The following PECR variants were observed in gnomAD, a reference collection of about 807,000 sequenced individuals.
PECR encodes the protein 2,4-dienoyl-CoA reductase-related protein.
PECR carries 30 observed loss-of-function variants against 35.3 expected under a neutral mutation model. The ratio of observed to expected loss-of-function variants is 0.85; its 90% CI spans 0.64 to 1.15. The LOEUF (loss-of-function observed/expected upper bound fraction) is 1.15, where lower values mean the gene tolerates loss of function less well. Ranked by LOEUF, PECR falls within the 50% of genes most tolerant of loss-of-function variation. PECR has a pLI of 0.00. For missense variants in PECR, 392 were observed against 370.8 expected, an observed-to-expected ratio of 1.06 and a Z score of -0.47; for synonymous variants, 148 against 138.9, an observed-to-expected ratio of 1.07 and a Z score of -0.46.
intron 7 of PECR, chr2:216,033,067 C>A (rs996821171): frequency 6.6e-6 from 1 of 152,124 alleles, no homozygotes; most frequent in Admixed American, 6.5e-5. Context: ...ACCTTTACAC[C>A]TTTTAGTTGG....
intron 6 of PECR, among the ~76,000 whole-genome samples, chr2:216,048,843 C>CAAAAAAAAAAAAAAAAAAAAAAAAAAAA (rs59623283): frequency 2.7e-5 from 2 of 74,090 alleles, no homozygotes; most frequent in African/African-American, 5.0e-5. Context: ...CTGTCTCAAG[C>CAAAAAAAAAAAAAAAAAAAAAAAAAAAA]AAAAAAAAAA....
intron 1 of PECR, among the ~76,000 whole-genome samples, chr2:216,080,628 C>T (rs1695819687): frequency 6.6e-6 from 1 of 152,162 alleles, no homozygotes. Flanking sequence ...AATTTACATT[C>T]CTGCCTTCTC....
intron 1 of PECR, among the ~76,000 whole-genome samples, chr2:216,070,450 A>G (rs1021283568): frequency 2.0e-5 from 3 of 152,194 alleles, no homozygotes; most frequent in Admixed American, 2.0e-4. Flanking sequence ...ACATCTCCCC[A>G]GTGAAACTGG....
At chr2:216,081,086 C>G (rs1311802733) in intron 1 of PECR, among the ~76,000 whole-genome samples, 1 of 152,206 alleles carries the variant, frequency 6.6e-6, no homozygotes, top group Non-Finnish European at 1.5e-5. Context: ...TTTACACTTT[C>G]ATACAGGTAG....
Position 216,070,665 on chromosome 2 carries a change from G to A in PECR, c.125-4147C>T, listed in dbSNP as rs554112114. ...GAAGGGGCCAGGGGAAGAAGAAGAGGGTTCCCTGCTTCTACTGAGTAAAGG... is the reference window on the plus strand; with the variant it reads ...GAAGGGGCCAGGGGAAGAAGAAGAGAGTTCCCTGCTTCTACTGAGTAAAGG... On this transcript the variant is annotated intron_variant, in intron 1 of 7. Transcript: ENST00000265322. Among the ~76,000 whole-genome samples, 269 of 152,284 alleles carry A rather than the reference G, an allele frequency of 1.8e-3. 1 individual carries two copies. The highest frequency in any genetic ancestry group is 0.017 in the Middle Eastern group (5 of 294).
chr2:216,043,964 C>T lies in PECR; in HGVS notation c.766G>A (p.Gly256Arg), dbSNP rs1314070250. Residue 256 changes from glycine (G) to arginine (R), a missense_variant, in exon 7 of 8, where the codon GGA (glycine) becomes AGA (arginine). Transcript: ENST00000265322. ...LLSPAASFIT[G>R]QSVDVDGGRS... ...CCCCCATCCACATCCACCGACTGTC[C>T]AGTGATGAAGGAAGCTGCAGGAGAC... 5 of 1,613,038 alleles carry T rather than the reference C, an allele frequency of 3.1e-6. No homozygotes were observed. Among genetic ancestry groups the T allele is most frequent in the Non-Finnish European group, 4.2e-6 (5 of 1,179,072 alleles).
chr2:216,050,395 T>C (rs1695085203), intron 5 of PECR, among the ~76,000 whole-genome samples: 1 of 152,240 alleles, frequency 6.6e-6, no homozygotes, highest in Non-Finnish European at 1.5e-5. Context: ...GGTTTCCAAT[T>C]ACATAATATG....
intron 4 of PECR, among the ~76,000 whole-genome samples, chr2:216,054,276 A>C (rs1695180299): frequency 6.6e-6 from 1 of 151,242 alleles, no homozygotes; most frequent in South Asian, 2.1e-4. Flanking sequence ...AACAAGAGTG[A>C]AACTCCATCT....
At chr2:216,075,167 T>C (rs374108820) in intron 1 of PECR, among the ~76,000 whole-genome samples, 28 of 152,024 alleles carry the variant, frequency 1.8e-4, no homozygotes, top group African/African-American at 5.3e-4. Flanking sequence ...ACTTGGGAGG[T>C]TGAGGCAGGA....
rs187379852 is a variant in PECR, at chr2:216,056,909, G to A, written c.506+1986C>T. On this transcript the variant is annotated intron_variant, in intron 4 of 7. Transcript: ENST00000265322. Reference sequence around the variant, plus strand: ...TGTGAAGGCCACTGGAAAAGGAAACGATTCTTAAGAGAACAAAAGCAAGAA... The same window carrying A: ...TGTGAAGGCCACTGGAAAAGGAAACAATTCTTAAGAGAACAAAAGCAAGAA... Among the ~76,000 whole-genome samples, 8 of 152,074 alleles carry A rather than the reference G, an allele frequency of 5.3e-5. No individual in the cohort carries two copies. In the East Asian group the frequency reaches 5.8e-4, roughly 11 times the overall value.
downstream of PECR, among the ~76,000 whole-genome samples, chr2:216,035,365 C>T (rs1694776798): frequency 6.6e-6 from 1 of 152,114 alleles, no homozygotes; most frequent in African/African-American, 2.4e-5. Flanking sequence ...TGCCAGAGGG[C>T]AGGTTTCTAG....
rs377305685 is a variant in PECR, at chr2:216,081,608, G to A, written c.124+10C>T. On this transcript the variant is annotated intron_variant, in intron 1 of 7. Coordinates refer to ENST00000265322, the MANE Select transcript of PECR (RefSeq NM_018441.6). ...AGCCACCTCTCTGCACCAGCGGCCC[G>A]CTCACGTACCCAGCTCCAGGAGCTC... The A allele has an allele frequency of 7.7e-4, 1,247 of 1,613,660 alleles. 4 individuals are homozygous for A. Among genetic ancestry groups the A allele is most frequent in the South Asian group, 3.7e-3 (334 of 91,078 alleles).
rs751542181 is a variant in PECR, at chr2:216,074,493, A to AAAGGAAGGAAGGAAGGAAGGAAGG, written c.124+7101_124+7124dup. Among the ~76,000 whole-genome samples, 24 of 133,114 alleles carry AAAGGAAGGAAGGAAGGAAGGAAGG rather than the reference A, an allele frequency of 1.8e-4. 1 individual carries two copies. In the East Asian group the frequency reaches 2.7e-3, roughly 15 times the overall value. 87.3% of individuals were successfully genotyped at this position (133,114 alleles called of 152,430 possible). On this transcript the variant is annotated intron_variant, in intron 1 of 7. Transcript: ENST00000265322. Reference sequence around the variant, plus strand: ...GAAAGAGAGAGAGAAAGAAAGAAAAAAAGGAAGGAAGGAAGGAAGGAAGGA... The same window carrying AAAGGAAGGAAGGAAGGAAGGAAGG: ...GAAAGAGAGAGAGAAAGAAAGAAAAAAAGGAAGGAAGGAAGGAAGGAAGGAAGGAAGGAAGGAAGGAAGGAAGGA...
In PECR at chr2:216,066,506, A is replaced by G; in HGVS notation, c.137T>C (p.Val46Ala). ...KELLELGSNV[V>A]IASRKLERLK... ...TCTCTCCAACTTACGGGATGCAATG[A>G]CCACATTACTCCCTGAGGAGAAACA... The change falls in exon 2 of 8, where the codon GTC becomes GCC. Residue 46 changes from valine (V) to alanine (A), a missense_variant. Transcript: ENST00000265322. 1 of 1,614,016 alleles carries G rather than the reference A, an allele frequency of 6.2e-7. No homozygotes were observed. Among genetic ancestry groups the G allele is most frequent in the Non-Finnish European group, 8.5e-7 (1 of 1,179,900 alleles).
At position 216,074,211 on chromosome 2, in the gene PECR, A is replaced by G. The variant is rs556127493; in HGVS notation, c.124+7407T>C. Among the ~76,000 whole-genome samples the G allele has an allele frequency of 6.6e-5, 10 of 152,310 alleles. No homozygotes were observed. The South Asian group carries it at 2.1e-3, about 32-fold the overall frequency. ...TGTAATCCCAACACTTTGGGAGGCC[A>G]AGGCCGGTGGATCGCTTGTATTCAG... is the stretch of plus-strand genomic sequence containing the variant. On this transcript the variant is annotated intron_variant, in intron 1 of 7. Coordinates refer to ENST00000265322, the MANE Select transcript of PECR (RefSeq NM_018441.6).
chr2:216,079,254 A>G (rs1286925266), intron 1 of PECR, among the ~76,000 whole-genome samples: 1 of 150,624 alleles, frequency 6.6e-6, no homozygotes, highest in Non-Finnish European at 1.5e-5. Context: ...TTAGATGTTC[A>G]TTAAAAAATA....
At chr2:216,070,398 C>T (rs1036003828) in intron 1 of PECR, among the ~76,000 whole-genome samples, 1 of 152,216 alleles carries the variant, frequency 6.6e-6, no homozygotes, top group African/African-American at 2.4e-5. Flanking sequence ...ATCATCAGAA[C>T]TTATTCCTCC....
At chr2:216,036,248 G>A (rs1350181997), downstream of PECR, among the ~76,000 whole-genome samples, 1 of 152,252 alleles carries the variant, frequency 6.6e-6, no homozygotes, top group African/African-American at 2.4e-5. Flanking sequence ...GAAGGGCCAG[G>A]ATGGAGTGCT....
chr2:216,067,787 G>A (rs1272949241), intron 1 of PECR, among the ~76,000 whole-genome samples: 6 of 151,642 alleles, frequency 4.0e-5, no homozygotes, highest in South Asian at 4.2e-4. Flanking sequence ...AATCTCTTGC[G>A]CCTGTCTAAG....
Sources: allele counts gnomAD v4.1 joint callset (sites outside exome capture counted in the v4.1 genomes callset), GRCh38; gene constraint gnomAD v4.1.1; transcripts MANE v1.5; gene names NCBI Gene and HGNC (gene_info 2026-07-23, HGNC 2026-07-21).